PRKCA: variants seen among roughly 807,000 people sequenced by gnomAD.
The protein encoded by PRKCA is protein kinase C alpha.
A neutral mutation model predicts 87.0 loss-of-function variants in PRKCA; 27 were observed. That is an observed-to-expected ratio of 0.31 (90% CI 0.23 to 0.43). The LOEUF (loss-of-function observed/expected upper bound fraction) is 0.43, where lower values mean the gene tolerates loss of function less well. Ranked by LOEUF, PRKCA falls within the 20% of genes least tolerant of loss-of-function variation. The pLI, the probability that PRKCA is intolerant of heterozygous loss-of-function variation, is 1.00. For synonymous variants in PRKCA, 329 were observed against 311.1 expected (o/e 1.06, Z -0.61); for missense variants, 518 against 852.3 (o/e 0.61, Z 4.88).
intron 8 of PRKCA, among the ~76,000 whole-genome samples, chr17:66,700,368 T>C (rs1414537918): frequency 6.6e-6 from 1 of 152,196 alleles, no homozygotes; most frequent in East Asian, 1.9e-4. Flanking sequence ...TAAAAAGCTA[T>C]AAGTTCTTTC....
chr17:66,363,487 A>G (rs776947276), intron 2 of PRKCA, among the ~76,000 whole-genome samples: 2 of 152,222 alleles, frequency 1.3e-5, no homozygotes, highest in East Asian at 1.9e-4. Context: ...CTTTCTTTCC[A>G]TAAGTAATAA....
chr17:66,797,358 A>C (rs74353295), intron 16 of PRKCA, among the ~76,000 whole-genome samples: 2,527 of 152,330 alleles, frequency 0.017, 69 homozygotes, highest in African/African-American at 0.058. Context: ...CGTTGCATTC[A>C]TTGAAGTTTG....
At chr17:66,557,716 G>A (rs1353307875) in intron 3 of PRKCA, among the ~76,000 whole-genome samples, 1 of 152,184 alleles carries the variant, frequency 6.6e-6, no homozygotes, top group Non-Finnish European at 1.5e-5. Flanking sequence ...AATACTATCA[G>A]TGCTGCTTTT....
chr17:66,573,996 C>T (rs907062797), intron 3 of PRKCA, among the ~76,000 whole-genome samples: 6 of 151,914 alleles, frequency 3.9e-5, no homozygotes, highest in Non-Finnish European at 8.8e-5. Flanking sequence ...TTATATGGCC[C>T]GAAGGGTATT....
At position 66,753,690 on chromosome 17, in the gene PRKCA, G is replaced by C. The variant is rs151061071; in HGVS notation, c.1524+10930G>C. Among the ~76,000 whole-genome samples, 8 of 152,274 alleles carry C rather than the reference G, an allele frequency of 5.3e-5. No homozygotes were observed. In the East Asian group the frequency reaches 1.5e-3, roughly 29 times the overall value. ...GATAAGGCCTTGAAGAAGGTAATTA[G>C]GGGAGAATGAACTCATCAAGGTGGC... On this transcript the variant is annotated intron_variant, in intron 13 of 16. Transcript: ENST00000413366.
intron 3 of PRKCA, among the ~76,000 whole-genome samples, chr17:66,526,413 G>A (rs1308474825): frequency 6.6e-6 from 1 of 152,220 alleles, no homozygotes; most frequent in Non-Finnish European, 1.5e-5. Context: ...GTCACCTGAG[G>A]GTTGGCTGAT....
intron 3 of PRKCA, among the ~76,000 whole-genome samples, chr17:66,570,298 TACACAG>T (rs1052197271): frequency 6.6e-5 from 10 of 152,318 alleles, no homozygotes; most frequent in African/African-American, 2.4e-4. Flanking sequence ...GGTTTGTGGA[TACACAG>T]GCGAGATTAT....
chr17:66,447,106 C>T (rs371957442), intron 2 of PRKCA, among the ~76,000 whole-genome samples: 1 of 152,240 alleles, frequency 6.6e-6, no homozygotes, highest in African/African-American at 2.4e-5. Flanking sequence ...GAAGTCACTC[C>T]GAGTGTAAGA....
intron 13 of PRKCA, among the ~76,000 whole-genome samples, chr17:66,749,228 G>T (rs1362972090): frequency 1.3e-5 from 2 of 151,996 alleles, no homozygotes; most frequent in East Asian, 1.9e-4. Flanking sequence ...CTTCACAGGG[G>T]CCCCAAGACC....
intron 3 of PRKCA, among the ~76,000 whole-genome samples, chr17:66,602,913 G>A (rs1051497988): frequency 6.6e-6 from 1 of 152,178 alleles, no homozygotes; most frequent in African/African-American, 2.4e-5. Flanking sequence ...GGTAACCGGG[G>A]ATTCAGTCTG....
At chr17:66,776,172 G>A (rs1478362737) in intron 14 of PRKCA, among the ~76,000 whole-genome samples, 2 of 152,238 alleles carry the variant, frequency 1.3e-5, no homozygotes, top group Admixed American at 6.5e-5. Flanking sequence ...AGGCCAGAGA[G>A]GAAGAGGCTC....
At chr17:66,459,676 A>T (rs1914754558) in intron 2 of PRKCA, among the ~76,000 whole-genome samples, 1 of 152,172 alleles carries the variant, frequency 6.6e-6, no homozygotes, top group Non-Finnish European at 1.5e-5. Flanking sequence ...ATGGTTGCAC[A>T]CTGGGAGGCT....
chr17:66,778,372 C>T (rs1435734648), intron 14 of PRKCA: 16 of 358,114 alleles, frequency 4.5e-5, no homozygotes, highest in African/African-American at 1.6e-4. Context: ...AAAAATTAGC[C>T]GAGTGTGGTG....
intron 15 of PRKCA, among the ~76,000 whole-genome samples, chr17:66,788,169 T>G (rs1975446177): frequency 6.6e-6 from 1 of 152,214 alleles, no homozygotes; most frequent in Non-Finnish European, 1.5e-5. Context: ...CAATATACCC[T>G]TAACAGTATC....
intron 3 of PRKCA, among the ~76,000 whole-genome samples, chr17:66,633,188 T>C (rs540270093): frequency 2.6e-5 from 4 of 152,142 alleles, no homozygotes; most frequent in South Asian, 2.1e-4. Context: ...TGATACACAA[T>C]GTAATAATTA....
chr17:66,535,623 C>G (rs915783209), intron 3 of PRKCA, among the ~76,000 whole-genome samples: 7 of 152,208 alleles, frequency 4.6e-5, no homozygotes, highest in Non-Finnish European at 8.8e-5. Flanking sequence ...TGCAGACGAC[C>G]AGAGCCTGAG....
chr17:66,489,755 C>G (rs1168878855), intron 2 of PRKCA, among the ~76,000 whole-genome samples: 1 of 151,432 alleles, frequency 6.6e-6, no homozygotes, highest in East Asian at 1.9e-4. Context: ...TCCTTCCTTT[C>G]CCTTTCCCTT....
At chr17:66,434,475 A>AG (rs897889394) in intron 2 of PRKCA, among the ~76,000 whole-genome samples, 1 of 152,156 alleles carries the variant, frequency 6.6e-6, no homozygotes, top group Non-Finnish European at 1.5e-5. Context: ...TTGGGTGAAC[A>AG]GGGAGAGGTC....
chr17:66,417,774 T>G (rs941967102), intron 2 of PRKCA, among the ~76,000 whole-genome samples: 1 of 152,136 alleles, frequency 6.6e-6, no homozygotes, highest in African/African-American at 2.4e-5. Flanking sequence ...GAGATAGTTA[T>G]TCCTCTGTTG....
Sources: allele counts gnomAD v4.1 joint callset (sites outside exome capture counted in the v4.1 genomes callset), GRCh38; gene constraint gnomAD v4.1.1; transcripts MANE v1.5; gene names NCBI Gene and HGNC (gene_info 2026-07-23, HGNC 2026-07-21).